PACRG: variants seen among roughly 807,000 people sequenced by gnomAD.
PACRG encodes parkin coregulated gene protein.
PACRG carries 29 observed loss-of-function variants against 29.7 expected under a neutral mutation model. The observed-to-expected ratio is 0.98, with a 90% CI of 0.73 to 1.33. The LOEUF (loss-of-function observed/expected upper bound fraction) is 1.33. PACRG is among the 40% of genes most tolerant of loss of function. PACRG has a pLI of 0.00. For synonymous variants in PACRG, 116 were observed against 118.7 expected (o/e 0.98, Z 0.15); for missense variants, 279 against 316.2 (o/e 0.88, Z 0.89).
chr6:162,924,924 A>G (rs1440289484), intron 2 of PACRG, among the ~76,000 whole-genome samples: 2 of 152,074 alleles, frequency 1.3e-5, no homozygotes, highest in African/African-American at 4.8e-5. Context: ...TGCTAGCTAG[A>G]CTAATAAAGA....
chr6:162,958,526 G>A (rs1399363974), intron 2 of PACRG, among the ~76,000 whole-genome samples: 1 of 151,860 alleles, frequency 6.6e-6, no homozygotes, highest in Non-Finnish European at 1.5e-5. Context: ...TTTAGTTGTA[G>A]CATCTGTTCC....
chr6:163,106,466 G>A (rs1226946703), intron 4 of PACRG, among the ~76,000 whole-genome samples: 1 of 152,072 alleles, frequency 6.6e-6, no homozygotes. Flanking sequence ...TATTTACTGT[G>A]ATCTGTTTTT....
rs186330284 is a variant in PACRG at position 163,070,454 on chromosome 6, C to T, written c.463+8133C>T. Among the ~76,000 whole-genome samples the T allele has an allele frequency of 7.2e-5, 11 of 151,996 alleles. No individual in the cohort carries two copies. The East Asian group carries it at 9.7e-4, about 13-fold the overall frequency. ...TTGATTAGTTTTTGTTTTGCCCATT[C>T]ATTTATGCAAACAGTATTATCAGCT... On this transcript the variant is annotated intron_variant, in intron 3 of 4. Transcript: ENST00000366888.
intron 2 of PACRG, among the ~76,000 whole-genome samples, chr6:162,854,169 T>TTG (rs905986263): frequency 1.1e-4 from 16 of 149,946 alleles, no homozygotes; most frequent in East Asian, 1.9e-4. Flanking sequence ...TCTTTCTGTT[T>TTG]TTTTTTTTTT....
chr6:163,139,580 C>CA (rs949865650), intron 4 of PACRG, among the ~76,000 whole-genome samples: 47 of 148,956 alleles, frequency 3.2e-4, no homozygotes, highest in Middle Eastern at 3.4e-3. Flanking sequence ...CAATGCTTGG[C>CA]AAAAAAAAAG....
At chr6:163,127,759 T>G (rs1816575365) in intron 4 of PACRG, among the ~76,000 whole-genome samples, 2 of 152,240 alleles carry the variant, frequency 1.3e-5, no homozygotes, top group Non-Finnish European at 2.9e-5. Context: ...AGTCTCACCA[T>G]GTCATCAGGA....
At chr6:163,242,236 A>G (rs1354799990) in intron 4 of PACRG, among the ~76,000 whole-genome samples, 1 of 152,218 alleles carries the variant, frequency 6.6e-6, no homozygotes, top group East Asian at 1.9e-4. Flanking sequence ...CCGTCTCCTC[A>G]CAGCATTTCA....
chr6:163,010,157 C>T lies in PACRG; in HGVS notation c.292-51993C>T, dbSNP rs544961558. ...CCATAAAGTACATTTGAAAACCAAA[C>T]GACTGTAAAGTGATCCACTATAATC... On this transcript the variant is annotated intron_variant, in intron 2 of 4. Coordinates refer to ENST00000366888, the MANE Select transcript of PACRG (RefSeq NM_001080379.2). Among the ~76,000 whole-genome samples the T allele has an allele frequency of 7.2e-5, 11 of 152,198 alleles. No homozygotes were observed. In the South Asian group the frequency reaches 1.7e-3, roughly 23 times the overall value.
intron 2 of PACRG, among the ~76,000 whole-genome samples, chr6:162,874,400 A>C (rs1439362394): frequency 1.3e-5 from 2 of 151,978 alleles, no homozygotes; most frequent in African/African-American, 4.8e-5. Flanking sequence ...AGGTGCCTGG[A>C]TCCACACTCA....
intron 1 of PACRG, among the ~76,000 whole-genome samples, chr6:162,751,164 T>TA (rs1781488080): frequency 6.6e-6 from 1 of 152,144 alleles, no homozygotes; most frequent in Non-Finnish European, 1.5e-5. Context: ...TTTTTTTTTT[T>TA]ACTCTTTAGA....
chr6:163,078,054 T>C (rs961965562), intron 3 of PACRG, among the ~76,000 whole-genome samples: 1 of 152,144 alleles, frequency 6.6e-6, no homozygotes, highest in Non-Finnish European at 1.5e-5. Flanking sequence ...AATAAATAAA[T>C]AAACAAACCA....
chr6:163,162,573 T>C (rs1288868459), intron 4 of PACRG, among the ~76,000 whole-genome samples: 1 of 151,912 alleles, frequency 6.6e-6, no homozygotes, highest in Admixed American at 6.6e-5. Flanking sequence ...ACTACCAGAG[T>C]GGTAAATGCT....
chr6:162,857,079 C>CTGAG, intron 2 of PACRG, among the ~76,000 whole-genome samples: 1 of 152,270 alleles, frequency 6.6e-6, no homozygotes, highest in Middle Eastern at 3.4e-3. Flanking sequence ...TCTATAATGT[C>CTGAG]TGAGTCATTT....
At chr6:162,918,091 T>C (rs921116997) in intron 2 of PACRG, among the ~76,000 whole-genome samples, 2 of 152,142 alleles carry the variant, frequency 1.3e-5, no homozygotes, top group Non-Finnish European at 2.9e-5. Flanking sequence ...CACTGCAGTG[T>C]TCAAGATAAT....
intron 4 of PACRG, among the ~76,000 whole-genome samples, chr6:163,197,200 CCTTTGAATACAGTCATAACTGGT>C (rs1780495427): frequency 6.6e-6 from 1 of 151,978 alleles, no homozygotes; most frequent in African/African-American, 2.4e-5. Flanking sequence ...AGAGCATTTC[CCTTTGAATACAGTCATAACTGGT>C]TCTCCGTTAG....
chr6:163,000,118 C>T (rs922632242), intron 2 of PACRG, among the ~76,000 whole-genome samples: 32 of 152,096 alleles, frequency 2.1e-4, no homozygotes, highest in African/African-American at 7.2e-4. Context: ...GTTACACATC[C>T]GAGGTAGCAG....
At chr6:163,005,380 G>A (rs1470328878) in intron 2 of PACRG, among the ~76,000 whole-genome samples, 3 of 151,708 alleles carry the variant, frequency 2.0e-5, no homozygotes, top group African/African-American at 7.3e-5. Context: ...CATTTCTTAA[G>A]GTTGAACCTG....
chr6:163,299,313 A>G (rs1037221059), intron 4 of PACRG, among the ~76,000 whole-genome samples: 7 of 152,194 alleles, frequency 4.6e-5, no homozygotes, highest in African/African-American at 1.7e-4. Flanking sequence ...GGCCAAATGA[A>G]GAGAGCTGTA....
chr6:162,756,447 T>C (rs182680403), intron 1 of PACRG, among the ~76,000 whole-genome samples: 29 of 152,312 alleles, frequency 1.9e-4, no homozygotes, highest in African/African-American at 6.7e-4. Context: ...CTTTGTGTGT[T>C]ATAAGTGTAG....
Sources: gnomAD v4.1 joint callset for allele counts (sites outside exome capture counted in the v4.1 genomes callset) on GRCh38, gnomAD v4.1.1 for gene constraint, MANE v1.5 for transcripts, NCBI Gene and HGNC (gene_info 2026-07-23, HGNC 2026-07-21) for gene names.